The following HACE1 variants were observed in gnomAD, a reference collection of about 807,000 sequenced individuals.
HACE1 encodes the protein HECT domain and ankyrin repeat containing E3 ubiquitin protein ligase 1.
Under a neutral mutation model 118.4 loss-of-function variants are expected in HACE1, and 73 were observed. The observed-to-expected ratio is 0.62, with a 90% CI of 0.51 to 0.75. HACE1 has a LOEUF of 0.75. HACE1 is among the 30% of genes least tolerant of loss of function. The probability of loss-of-function intolerance (pLI) is 0.00; values close to 1 mark genes in which losing one functional copy is unlikely to be tolerated. For synonymous variants in HACE1, 368 were observed against 374.8 expected (o/e 0.98, Z 0.21); for missense variants, 749 against 1,102.2 (o/e 0.68, Z 4.54).
intron 20 of HACE1, among the ~76,000 whole-genome samples, chr6:104,750,066 A>C (rs1777870046): frequency 6.6e-6 from 1 of 152,160 alleles, no homozygotes; most frequent in South Asian, 2.1e-4. Flanking sequence ...ACTGGCCTTC[A>C]ACATCTCCCA....
intron 7 of HACE1, among the ~76,000 whole-genome samples, chr6:104,810,609 C>T (rs770083188): frequency 4.0e-5 from 6 of 151,834 alleles, no homozygotes; most frequent in African/African-American, 1.2e-4. Flanking sequence ...GTGGGTGTGA[C>T]GGCATGTGTA....
chr6:104,849,844 G>C (rs1033747298), intron 3 of HACE1, among the ~76,000 whole-genome samples: 1 of 149,844 alleles, frequency 6.7e-6, no homozygotes, highest in African/African-American at 2.5e-5. Context: ...CAGAGACGGG[G>C]TTTCACCATG....
intron 14 of HACE1, among the ~76,000 whole-genome samples, chr6:104,783,399 T>C (rs1485359894): frequency 6.6e-6 from 1 of 152,224 alleles, no homozygotes; most frequent in Non-Finnish European, 1.5e-5. Context: ...AAGTTTTCTA[T>C]CTCCAAAACA....
At chr6:104,762,693 TATA>T (rs1336205443) in intron 19 of HACE1, among the ~76,000 whole-genome samples, 2 of 151,838 alleles carry the variant, frequency 1.3e-5, no homozygotes, top group Non-Finnish European at 2.9e-5. Context: ...GAACTTAAAG[TATA>T]ATTTTAAAAA....
At chr6:104,794,000 CCT>C (rs1451008105) in intron 10 of HACE1, among the ~76,000 whole-genome samples, 2 of 152,038 alleles carry the variant, frequency 1.3e-5, no homozygotes, top group East Asian at 1.9e-4. Context: ...TTTTTCCTAC[CCT>C]GTTTCTCCTG....
chr6:104,841,746 C>A (rs2115157007), intron 5 of HACE1, among the ~76,000 whole-genome samples: 1 of 152,146 alleles, frequency 6.6e-6, no homozygotes, highest in East Asian at 1.9e-4. Context: ...AATATAAATA[C>A]TATCAAAGGA....
chr6:104,742,476 A>G (rs1235899110), intron 22 of HACE1, among the ~76,000 whole-genome samples: 2 of 152,172 alleles, frequency 1.3e-5, no homozygotes, highest in African/African-American at 4.8e-5. Context: ...AAAAAAACAA[A>G]CAACCCCATC....
intron 19 of HACE1, among the ~76,000 whole-genome samples, chr6:104,758,475 A>T (rs1778965435): frequency 6.6e-6 from 1 of 152,192 alleles, no homozygotes; most frequent in South Asian, 2.1e-4. Flanking sequence ...AGAGAAATAA[A>T]ATCCTTTCCA....
chr6:104,740,406 T>C (rs903923955), intron 22 of HACE1, among the ~76,000 whole-genome samples: 1 of 151,832 alleles, frequency 6.6e-6, no homozygotes, highest in African/African-American at 2.4e-5. Context: ...ATCAACAAAA[T>C]TGATAGACCG....
At chr6:104,848,987 G>T (rs1775920133) in intron 4 of HACE1, among the ~76,000 whole-genome samples, 155 bp downstream of exon 4, 1 of 151,930 alleles carries the variant, frequency 6.6e-6, no homozygotes. Flanking sequence ...ATATCTTTGA[G>T]AGACAAAAAA....
At chr6:104,852,195 CTG>C (rs201776642) in intron 2 of HACE1, 120 bp downstream of exon 2, 1 of 552,984 alleles carries the variant, frequency 1.8e-6, no homozygotes, top group Non-Finnish European at 3.3e-6. Context: ...TATGTCCAAA[CTG>C]TCTGTGTGTG....
At chr6:104,822,955 ACTC>A (rs1484609037) in intron 6 of HACE1, among the ~76,000 whole-genome samples, 2 of 152,272 alleles carry the variant, frequency 1.3e-5, no homozygotes, top group East Asian at 3.9e-4. Context: ...AGACTAACAT[ACTC>A]CTCTACTGTT....
chr6:104,819,307 A>G (rs998605521), intron 6 of HACE1, among the ~76,000 whole-genome samples: 2 of 152,196 alleles, frequency 1.3e-5, no homozygotes, highest in African/African-American at 4.8e-5. Flanking sequence ...AAAGAATTAA[A>G]AACCTAGGAA....
chr6:104,754,244 T>C (rs896392220), intron 19 of HACE1, among the ~76,000 whole-genome samples: 9 of 152,052 alleles, frequency 5.9e-5, no homozygotes, highest in African/African-American at 1.9e-4. Flanking sequence ...CCAAGAGATA[T>C]GGGGTTATGT....
At chr6:104,785,452 C>T (rs143796785) in intron 11 of HACE1, 133 bp from the exon 12 acceptor site, 31 of 652,498 alleles carry the variant, frequency 4.8e-5, no homozygotes, top group African/African-American at 3.1e-4. Flanking sequence ...CCCAAGTTAA[C>T]GTGATAGTAA....
chr6:104,844,278 G>A lies in HACE1; in HGVS notation c.327-980C>T, dbSNP rs866614028. Among the ~76,000 whole-genome samples the A allele has an allele frequency of 2.0e-5, 3 of 151,714 alleles. No individual in the cohort carries two copies. The South Asian group carries it at 6.3e-4, about 32-fold the overall frequency. ...TCTTGATCTCTTGACCTCGTGATCT[G>A]CCCGCCTAGGTCTCCCAAAGTGCAG... On this transcript the variant is annotated intron_variant, in intron 4 of 23. Coordinates refer to ENST00000262903, the MANE Select transcript of HACE1 (RefSeq NM_020771.4).
chr6:104,855,687 T>A (rs1019455313), intron 1 of HACE1, among the ~76,000 whole-genome samples: 3 of 152,184 alleles, frequency 2.0e-5, no homozygotes, highest in Admixed American at 2.0e-4. Flanking sequence ...TCCCTTGGCA[T>A]GACAACATTC....
chr6:104,816,450 G>A (rs931716668), intron 6 of HACE1, among the ~76,000 whole-genome samples: 2 of 152,248 alleles, frequency 1.3e-5, no homozygotes, highest in Non-Finnish European at 2.9e-5. Context: ...GCTTTAGAGG[G>A]TGCAAGCCCA....
intron 20 of HACE1, among the ~76,000 whole-genome samples, chr6:104,746,041 G>T (rs1777393855): frequency 6.6e-6 from 1 of 152,162 alleles, no homozygotes; most frequent in South Asian, 2.1e-4. Context: ...AGACATTAAA[G>T]AAATTTGCAA....
Sources: gnomAD v4.1 joint callset for allele counts (sites outside exome capture counted in the v4.1 genomes callset) on GRCh38, gnomAD v4.1.1 for gene constraint, MANE v1.5 for transcripts, NCBI Gene and HGNC (gene_info 2026-07-23, HGNC 2026-07-21) for gene names.